The following KREMEN2 variants were observed in gnomAD, a reference collection of about 807,000 sequenced individuals.
KREMEN2 encodes kringle containing transmembrane protein 2.
In KREMEN2, 43 loss-of-function variants were observed where a neutral mutation model predicts 49.8. The ratio of observed to expected loss-of-function variants is 0.86; its 90% confidence interval spans 0.68 to 1.11. KREMEN2 has a LOEUF of 1.11. Among genes scored for constraint, KREMEN2 ranks in the 50% most tolerant of loss-of-function variants. The pLI, the probability that KREMEN2 is intolerant of heterozygous loss-of-function variation, is 0.00. For synonymous variants in KREMEN2, 355 were observed against 304.9 expected, an observed-to-expected ratio of 1.16 and a Z score of -1.71; for missense variants, 686 against 665.7, an observed-to-expected ratio of 1.03 and a Z score of -0.34.
At position 2,966,028 on chromosome 16, in the gene KREMEN2, C is replaced by A; in HGVS notation, c.270-112C>A. On this transcript the variant is annotated intron_variant, in intron 2 of 8. Coordinates refer to ENST00000303746, the MANE Select transcript of KREMEN2 (RefSeq NM_172229.3). The surrounding 1 kb of genome is among the most constrained non-coding windows in gnomAD (Gnocchi z 8.4). ...GTGGGTGTACAGCAGGCAGCACAGC[C>A]GCTCACAGGCACAGAGCCTTGAAGG... is the stretch of plus-strand genomic sequence containing the variant. 1 of 887,824 alleles carries A rather than the reference C, an allele frequency of 1.1e-6. No homozygotes were observed. The highest frequency in any genetic ancestry group is 1.8e-6 in the Non-Finnish European group (1 of 552,554). 55.0% of individuals were successfully genotyped at this position (887,824 alleles called of 1,614,324 possible).
rs758774565 is a variant in KREMEN2 at position 2,964,293 on chromosome 16, C to G, written c.-228C>G. ...CCCGGCCAGATTCCCCCCGGAGAGA[C>G]CCGGGTAGGGACAGGGACAGAGAGA... On this transcript the variant is annotated 5_prime_UTR_variant, in exon 1 of 9. Transcript: ENST00000303746. 2.5e-6 allele frequency: 1 copy of G among 405,464 alleles called. No individual in the cohort carries two copies. Among genetic ancestry groups the G allele is most frequent in the Non-Finnish European group, 4.4e-6 (1 of 228,464 alleles). The allele number at this position is 405,464 out of a possible 1,614,324, so 25.1% of individuals were successfully genotyped here.
In KREMEN2 at chr16:2,967,320, G is replaced by T. The variant is rs1293889626; in HGVS notation, c.974G>T (p.Gly325Val). 3 of 1,395,928 alleles carry T rather than the reference G, an allele frequency of 2.1e-6. No individual in the cohort carries two copies. The highest frequency in any genetic ancestry group is 7.1e-5 in the Admixed American group (2 of 28,084). The allele number at this position is 1,395,928 out of a possible 1,614,324, so 86.5% of individuals were successfully genotyped here. ...CCCCGCCTCACGCCCCTCTCCGCAG[G>T]GCTGCAGGACGCCGCTGAGGACCCA... ...HAQGFALTYRGLQDAAEDPEA... is the reference protein window; with the variant it reads ...HAQGFALTYRVLQDAAEDPEA... The change falls in exon 7 of 9, where the codon GGG becomes GTG. Residue 325 changes from glycine to valine, a missense_variant and splice_region_variant. Transcript: ENST00000303746.
At chr16:2,965,931 C>T (rs1003322962) in intron 2 of KREMEN2, among the ~76,000 whole-genome samples, 4 of 152,246 alleles carry the variant, frequency 2.6e-5, no homozygotes, top group Admixed American at 2.6e-4. Flanking sequence ...TAATGACTTC[C>T]CGCTGTCCAC....
rs1468420373 is a variant in KREMEN2 at position 2,968,379 on chromosome 16, T to G, written c.*359T>G. 2.5e-5 allele frequency: 38 copies of G among 1,535,572 alleles called. No individual in the cohort carries two copies. Among genetic ancestry groups the G allele is most frequent in the Non-Finnish European group, 3.0e-5 (34 of 1,146,860 alleles). The stretch of plus-strand genomic sequence containing the variant: ...ATTTTGAATAAAGGATCTACTTTGG[T>G]ACGGGCCTCGAAAGTTCTTCCGTGG... On this transcript the variant is annotated 3_prime_UTR_variant, in exon 9 of 9. Coordinates refer to ENST00000303746, the MANE Select transcript of KREMEN2 (RefSeq NM_172229.3).
chr16:2,966,897 GC>G lies in KREMEN2; in HGVS notation c.641-9del. 1.3e-6 allele frequency: 2 copies of G among 1,540,730 alleles called. No homozygotes were observed. The highest frequency in any genetic ancestry group is 1.8e-6 in the Non-Finnish European group (2 of 1,141,944). ...CTGGTCCTCAGGATGCTGACTGCCG[GC>G]CCCGCCCGCAGTGTCGGTGGGCTCC... On this transcript the variant is annotated splice_polypyrimidine_tract_variant and intron_variant, in intron 5 of 8. Coordinates refer to ENST00000303746, the MANE Select transcript of KREMEN2 (RefSeq NM_172229.3). The surrounding 1 kb of genome is among the most constrained non-coding windows in gnomAD (Gnocchi z 8.4).
chr16:2,964,961 CGCA>C lies in KREMEN2; in HGVS notation c.201_203del (p.Gln68del). On this transcript the variant is annotated inframe_deletion, in exon 2 of 9. Coordinates refer to ENST00000303746, the MANE Select transcript of KREMEN2 (RefSeq NM_172229.3). ...CGCCCGTGCCTCTTCTGGGACCAGA[CGCA>C]GCAACACAGCTACAGCAGCGCCAGC... The C allele has an allele frequency of 6.3e-7, 1 of 1,586,786 alleles. No individual in the cohort carries two copies. The highest frequency in any genetic ancestry group is 1.1e-5 in the South Asian group (1 of 88,494).
intron 1 of KREMEN2, 26 bp downstream of exon 1, chr16:2,964,640 C>A: frequency 1.9e-6 from 3 of 1,548,706 alleles, no homozygotes; most frequent in Admixed American, 1.9e-5. Flanking sequence ...GCTGTCGGGC[C>A]GTGTTCACCA....
In KREMEN2 at chr16:2,968,116, G is replaced by A. The variant is rs2071878619; in HGVS notation, c.*96G>A. 2 of 1,305,022 alleles carry A rather than the reference G, an allele frequency of 1.5e-6. No homozygotes were observed. Among genetic ancestry groups the A allele is most frequent in the Non-Finnish European group, 2.1e-6 (2 of 939,396 alleles). The allele number at this position is 1,305,022 out of a possible 1,614,324, so 80.8% of individuals were successfully genotyped here. A position where few individuals can be genotyped will look rare whatever the true frequency, so the allele number is the denominator to read the frequency against. ...GCCTCGGCCTTGCGCCTGTGTAGGG[G>A]CAGCTCGGCCTCTGGTCGCCTTGGG... On this transcript the variant is annotated 3_prime_UTR_variant, in exon 9 of 9. Coordinates refer to ENST00000303746, the MANE Select transcript of KREMEN2 (RefSeq NM_172229.3).
Position 2,968,284 on chromosome 16 carries a change from G to C in KREMEN2, c.*264G>C. ...TTCGGAGGTCTTTGAACCCCTCTGGGGGTGGTCCTGGACTGCCGTCCTCAG... is the reference window on the plus strand; with the variant it reads ...TTCGGAGGTCTTTGAACCCCTCTGGCGGTGGTCCTGGACTGCCGTCCTCAG... On this transcript the variant is annotated 3_prime_UTR_variant, in exon 9 of 9. Coordinates refer to ENST00000303746, the MANE Select transcript of KREMEN2 (RefSeq NM_172229.3). 7.4e-7 allele frequency: 1 copy of C among 1,347,390 alleles called. No homozygotes were observed. The highest frequency in any genetic ancestry group is 1.3e-5 in the South Asian group (1 of 79,458). 83.5% of individuals were successfully genotyped at this position (1,347,390 alleles called of 1,614,324 possible). A position where few individuals can be genotyped will look rare whatever the true frequency, so the allele number is the denominator to read the frequency against.
In KREMEN2 at chr16:2,968,101, T is replaced by G; in HGVS notation, c.*81T>G. On this transcript the variant is annotated 3_prime_UTR_variant, in exon 9 of 9. Coordinates refer to ENST00000303746, the MANE Select transcript of KREMEN2 (RefSeq NM_172229.3). ...GCTGTGCTGCGCCCTGCCTCGGCCTTGCGCCTGTGTAGGGGCAGCTCGGCC... is the reference window on the plus strand; with the variant it reads ...GCTGTGCTGCGCCCTGCCTCGGCCTGGCGCCTGTGTAGGGGCAGCTCGGCC... The G allele has an allele frequency of 7.1e-7, 1 of 1,405,996 alleles. No homozygotes were observed. The highest frequency in any genetic ancestry group is 9.7e-7 in the Non-Finnish European group (1 of 1,030,390). The allele number at this position is 1,405,996 out of a possible 1,614,324, so 87.1% of individuals were successfully genotyped here. A position where few individuals can be genotyped will look rare whatever the true frequency, so the allele number is the denominator to read the frequency against.
chr16:2,967,591 C>T lies in KREMEN2; in HGVS notation c.1165C>T (p.Pro389Ser), dbSNP rs1446259864. ...LLLLLLGLLR[P>S]LRRRSCLLAP... ...GCTGCTGCTCCTGGGGCTGCTGCGT[C>T]CGCTGCGCCGACGGTGCGGGGCGCT... The change falls in exon 8 of 9, where the codon CCG (proline) becomes TCG (serine). Residue 389 changes from proline (P) to serine (S), a missense_variant. Transcript: ENST00000303746. 3.9e-6 allele frequency: 6 copies of T among 1,527,036 alleles called. No homozygotes were observed. The East Asian group carries it at 1.5e-4, about 37-fold the overall frequency. The allele number at this position is 1,527,036 out of a possible 1,614,324, so 94.6% of individuals were successfully genotyped here. A position where few individuals can be genotyped will look rare whatever the true frequency, so the allele number is the denominator to read the frequency against.
In KREMEN2 at chr16:2,967,328, G is replaced by A; in HGVS notation, c.982G>A (p.Asp328Asn). 1.4e-6 allele frequency: 2 copies of A among 1,401,464 alleles called. No individual in the cohort carries two copies. Among genetic ancestry groups the A allele is most frequent in the Non-Finnish European group, 1.8e-6 (2 of 1,089,168 alleles). 86.8% of individuals were successfully genotyped at this position (1,401,464 alleles called of 1,614,324 possible). A position where few individuals can be genotyped will look rare whatever the true frequency, so the allele number is the denominator to read the frequency against. The change falls in exon 7 of 9, where the codon GAC (aspartate) becomes AAC (asparagine). Residue 328 changes from aspartate to asparagine, a missense_variant. Transcript: ENST00000303746. Reference sequence around the variant, plus strand: ...CACGCCCCTCTCCGCAGGGCTGCAGGACGCCGCTGAGGACCCAGAGGCCCC... The same window carrying A: ...CACGCCCCTCTCCGCAGGGCTGCAGAACGCCGCTGAGGACCCAGAGGCCCC... ...GFALTYRGLQ[D>N]AAEDPEAPEG...
rs368095275 is a variant in KREMEN2 at position 2,967,452 on chromosome 16, C to T, written c.1099+7C>T. 5.2e-4 allele frequency: 735 copies of T among 1,417,850 alleles called. 2 individuals are homozygous for T. The African/African-American group carries it at 8.6e-3, about 17-fold the overall frequency. The allele number at this position is 1,417,850 out of a possible 1,614,324, so 87.8% of individuals were successfully genotyped here. A position where few individuals can be genotyped will look rare whatever the true frequency, so the allele number is the denominator to read the frequency against. On this transcript the variant is annotated splice_region_variant and intron_variant, in intron 7 of 8. Coordinates refer to ENST00000303746, the MANE Select transcript of KREMEN2 (RefSeq NM_172229.3). ...CCGCCGGCCGCGATTGGGGGTGAGGCGGGCGCGCGGGACGGGAGTGAGTCA... is the reference window on the plus strand; with the variant it reads ...CCGCCGGCCGCGATTGGGGGTGAGGTGGGCGCGCGGGACGGGAGTGAGTCA...
In KREMEN2 at chr16:2,965,051, C is replaced by A. The variant is rs1375465402; in HGVS notation, c.269+18C>A. Reference sequence around the variant, plus strand: ...TTCTGCCGGTGAGGGGCGGGGCCTGCGCTGGGGGCGAGGCTGGGCTCACCA... The same window carrying A: ...TTCTGCCGGTGAGGGGCGGGGCCTGAGCTGGGGGCGAGGCTGGGCTCACCA... On this transcript the variant is annotated intron_variant, in intron 2 of 8. Coordinates refer to ENST00000303746, the MANE Select transcript of KREMEN2 (RefSeq NM_172229.3). 17 of 1,505,206 alleles carry A rather than the reference C, an allele frequency of 1.1e-5. No homozygotes were observed. In the East Asian group the frequency reaches 4.3e-4, roughly 38 times the overall value. 93.2% of individuals were successfully genotyped at this position (1,505,206 alleles called of 1,614,324 possible). A position where few individuals can be genotyped will look rare whatever the true frequency, so the allele number is the denominator to read the frequency against.
In KREMEN2 at chr16:2,967,223, C is replaced by A; in HGVS notation, c.954C>A (p.Gly318=). ...GCGACGCGCGCGGCCACGCGCAAGG[C>A]TTCGCGCTCACCTACCGCGGTGAGC... ...FRSDARGHAQ[G]FALTYRGLQD... The change falls in exon 6 of 9, where the codon GGC becomes GGA. Residue 318 remains glycine (G), a synonymous_variant. Transcript: ENST00000303746. The A allele has an allele frequency of 1.5e-6, 2 of 1,356,508 alleles. No homozygotes were observed. The highest frequency in any genetic ancestry group is 1.8e-5 in the South Asian group (1 of 55,000). The allele number at this position is 1,356,508 out of a possible 1,614,324, so 84.0% of individuals were successfully genotyped here. A position where few individuals can be genotyped will look rare whatever the true frequency, so the allele number is the denominator to read the frequency against.
In KREMEN2 at chr16:2,964,993, C is replaced by G. The variant is rs1249822153; in HGVS notation, c.229C>G (p.Pro77Ala). 2 of 1,566,370 alleles carry G rather than the reference C, an allele frequency of 1.3e-6. No individual in the cohort carries two copies. Among genetic ancestry groups the G allele is most frequent in the Non-Finnish European group, 1.7e-6 (2 of 1,157,402 alleles). The change falls in exon 2 of 9, where the codon CCC becomes GCC. Residue 77 changes from proline to alanine, a missense_variant. Physicochemically the swap from Pro to Ala is conservative, Grantham distance 27. Coordinates refer to ENST00000303746, the MANE Select transcript of KREMEN2 (RefSeq NM_172229.3). ...QQHSYSSASD[P>A]HGRWGLGAHN... ...ACACAGCTACAGCAGCGCCAGCGAC[C>G]CCCACGGCCGCTGGGGGCTGGGCGC...
rs1052031589 is a variant in KREMEN2 at position 2,966,914 on chromosome 16, G to A, written c.645G>A (p.Ser215=). The change falls in exon 6 of 9, where the codon TCG becomes TCA. Residue 215 remains serine, a synonymous_variant. Coordinates refer to ENST00000303746, the MANE Select transcript of KREMEN2 (RefSeq NM_172229.3). This position sits in a 1 kb window ranked among gnomAD's most constrained non-coding sequence, Gnocchi z 8.4. ...GACTGCCGGCCCCGCCCGCAGTGTC[G>A]GTGGGCTCCTGCCAGGGGAACTGGA... is the stretch of plus-strand genomic sequence containing the variant. ...GDGRLGVYEV[S]VGSCQGNWTA... 4 of 1,545,658 alleles carry A rather than the reference G, an allele frequency of 2.6e-6. No individual in the cohort carries two copies. The highest frequency in any genetic ancestry group is 1.2e-5 in the South Asian group (1 of 84,184).
At chr16:2,964,816 G>C in intron 1 of KREMEN2, 43 bp from the exon 2 acceptor site, 3 of 1,594,758 alleles carry the variant, frequency 1.9e-6, no homozygotes, top group South Asian at 2.2e-5. Context: ...GAGGATGCCC[G>C]GCGTGGGTCC....
Position 2,966,140 on chromosome 16 carries a change from T to C in KREMEN2, c.270T>C (p.Arg90=). The change falls in exon 3 of 9, where the codon CGT becomes CGC. Residue 90 remains arginine (R), a splice_region_variant and synonymous_variant. Coordinates refer to ENST00000303746, the MANE Select transcript of KREMEN2 (RefSeq NM_172229.3). The surrounding 1 kb of genome is among the most constrained non-coding windows in gnomAD (Gnocchi z 8.4). ...CCCACCACCTCCCTCCCACCCGCAG[T>C]AACCCAGACGGTGACGTGCAGCCGT... is the stretch of plus-strand genomic sequence containing the variant. ...RWGLGAHNFC[R]NPDGDVQPWC... is the part of the protein sequence containing the mutation. 6.2e-7 allele frequency: 1 copy of C among 1,611,772 alleles called. No individual in the cohort carries two copies. The highest frequency in any genetic ancestry group is 2.2e-5 in the East Asian group (1 of 44,876).
Sources: gnomAD v4.1 joint callset for allele counts (sites outside exome capture counted in the v4.1 genomes callset) on GRCh38, gnomAD v4.1.1 for gene constraint, Gnocchi (gnomAD v3.1) non-coding constraint, MANE v1.5 for transcripts, NCBI Gene and HGNC (gene_info 2026-07-23, HGNC 2026-07-21) for gene names.